CDC42BPA: variants seen among roughly 807,000 people sequenced by gnomAD.
CDC42BPA encodes the protein CDC42 binding protein kinase alpha, also known as serine/threonine-protein kinase MRCK alpha.
In CDC42BPA, 80 loss-of-function variants were observed where a neutral mutation model predicts 223.5. The observed-to-expected ratio is 0.36, with a 90% confidence interval of 0.30 to 0.43. The LOEUF is 0.43. CDC42BPA is among the 20% of genes least tolerant of loss of function. CDC42BPA has a pLI of 1.00. For synonymous variants in CDC42BPA, 694 were observed against 718.6 expected, an observed-to-expected ratio of 0.97 and a Z score of 0.55; for missense variants, 1,743 against 2,099.9, an observed-to-expected ratio of 0.83 and a Z score of 3.32.
intron 10 of CDC42BPA, among the ~76,000 whole-genome samples, chr1:227,133,009 G>A (rs954143407): frequency 1.3e-5 from 2 of 151,620 alleles, no homozygotes; most frequent in Non-Finnish European, 2.9e-5. Context: ...GAGCATCTCC[G>A]CCCGGCAGCC....
chr1:227,014,057 T>C (rs778164233), intron 34 of CDC42BPA, among the ~76,000 whole-genome samples: 8 of 152,086 alleles, frequency 5.3e-5, no homozygotes, highest in Non-Finnish European at 7.4e-5. Context: ...TGCTTTGGAC[T>C]CTATAGTTAT....
intron 14 of CDC42BPA, among the ~76,000 whole-genome samples, chr1:227,110,734 C>T (rs1448601044): frequency 1.3e-5 from 2 of 152,142 alleles, no homozygotes; most frequent in East Asian, 3.8e-4. Flanking sequence ...ACTAATCCTG[C>T]TCTAGAGGTA....
chr1:227,119,077 A>C (rs1257842990), intron 12 of CDC42BPA, among the ~76,000 whole-genome samples: 1 of 152,068 alleles, frequency 6.6e-6, no homozygotes, highest in Non-Finnish European at 1.5e-5. Flanking sequence ...CATTATATTA[A>C]TATATTACAT....
At chr1:227,216,120 C>CTA (rs67257803) in intron 2 of CDC42BPA, among the ~76,000 whole-genome samples, 69 of 136,662 alleles carry the variant, frequency 5.0e-4, no homozygotes, top group South Asian at 9.5e-4. Flanking sequence ...TTTTCTCTCT[C>CTA]TATATATATA....
rs1667603411 is a variant in CDC42BPA, at chr1:227,022,664, A to G, written c.4615+599T>C. Among the ~76,000 whole-genome samples, 3 of 152,310 alleles carry G rather than the reference A, an allele frequency of 2.0e-5. No homozygotes were observed. The Middle Eastern group carries it at 0.01, about 518-fold the overall frequency. ...GCAAACAACATTTAATTCTATGTGA[A>G]CAGTCTCCCTGGCATTTTATGTGTG... On this transcript the variant is annotated intron_variant, in intron 32 of 36. Transcript: ENST00000366766.
At chr1:227,023,212 G>T in intron 32 of CDC42BPA, 51 bp downstream of exon 32, 1 of 902,496 alleles carries the variant, frequency 1.1e-6, no homozygotes. Context: ...AGTTAGCTTA[G>T]AAATAATATT....
intron 21 of CDC42BPA, among the ~76,000 whole-genome samples, chr1:227,063,178 C>A (rs1676292932): frequency 6.6e-6 from 1 of 152,136 alleles, no homozygotes; most frequent in Non-Finnish European, 1.5e-5. Context: ...CACACACTTT[C>A]TCTCTCATAT....
At position 227,112,505 on chromosome 1, in the gene CDC42BPA, T is replaced by C. The variant is rs534531750; in HGVS notation, c.1891-83A>G. The stretch of plus-strand genomic sequence containing the variant: ...CATTTATCCCAATGAGAATTTACCT[T>C]GTAACAGGAAGATAATTCAAATGTT... On this transcript the variant is annotated intron_variant, in intron 13 of 36. Transcript: ENST00000366766. 15 of 1,083,682 alleles carry C rather than the reference T, an allele frequency of 1.4e-5. No individual in the cohort carries two copies. In the East Asian group the frequency reaches 2.1e-4, roughly 15 times the overall value. The allele number at this position is 1,083,682 out of a possible 1,614,324, so 67.1% of individuals were successfully genotyped here. A position where few individuals can be genotyped will look rare whatever the true frequency, so the allele number is the denominator to read the frequency against.
chr1:227,018,656 A>G (rs564730535), intron 32 of CDC42BPA, among the ~76,000 whole-genome samples: 4 of 152,324 alleles, frequency 2.6e-5, no homozygotes, highest in African/African-American at 9.6e-5. Context: ...AGTTCCTCTA[A>G]GAAACAGAAT....
Position 226,994,263 on chromosome 1 carries a change from GCA to G in CDC42BPA, c.*3_*4del. On this transcript the variant is annotated 3_prime_UTR_variant, in exon 37 of 37. Transcript: ENST00000366766. The surrounding 1 kb of genome is among the most constrained non-coding windows in gnomAD (Gnocchi z 4.0). ...GAGAGCGAGAGGTCCCAGTGCTGAG[GCA>G]GCTCACGGGTCCCAGCTCCCGCGGT... is the stretch of plus-strand genomic sequence containing the variant. The G allele has an allele frequency of 1.3e-6, 2 of 1,572,310 alleles. No homozygotes were observed. The highest frequency in any genetic ancestry group is 1.7e-6 in the Non-Finnish European group (2 of 1,156,888).
rs763233439 is a variant in CDC42BPA at position 227,081,011 on chromosome 1, T to C, written c.2362A>G (p.Thr788Ala). ...TGTATACTTAAGTTCTCATACAAAG[T>C]AGTAAGCTGAAAGATAGTTTTAAGA... ...KLTSELDKLT[T>A]LYENLSIHNQ... The change falls in exon 17 of 37, where the codon ACT becomes GCT. Residue 788 changes from threonine (T) to alanine (A), a missense_variant. Thr to Ala is a moderately conservative substitution (Grantham distance 58, BLOSUM62 0). Around this residue, in one of 6 missense-constraint regions of CDC42BPA, gnomAD observed 464 missense variants for 488.0 expected, o/e 0.95. Coordinates refer to ENST00000366766, the MANE Select transcript of CDC42BPA (RefSeq NM_001394014.1). 34 of 1,613,252 alleles carry C rather than the reference T, an allele frequency of 2.1e-5. No homozygotes were observed. The highest frequency in any genetic ancestry group is 2.9e-5 in the Non-Finnish European group (34 of 1,179,654).
intron 1 of CDC42BPA, among the ~76,000 whole-genome samples, chr1:227,268,297 T>C (rs971144002): frequency 6.6e-6 from 1 of 152,132 alleles, no homozygotes; most frequent in Non-Finnish European, 1.5e-5. Context: ...ACACAGACGG[T>C]GCAGCTCACA....
chr1:227,059,620 A>T (rs1280018210), intron 21 of CDC42BPA, among the ~76,000 whole-genome samples: 1 of 152,198 alleles, frequency 6.6e-6, no homozygotes, highest in Non-Finnish European at 1.5e-5. Context: ...AGGTTGACAA[A>T]CTTTTCACTG....
In CDC42BPA at chr1:227,171,473, T is replaced by C. The variant is rs147267991; in HGVS notation, c.600-10837A>G. ...AAAAACTACAAAAATTAGCCAAGAATAGTGGTCCACGCCTGCGCTAGTGGT... is the reference window on the plus strand; with the variant it reads ...AAAAACTACAAAAATTAGCCAAGAACAGTGGTCCACGCCTGCGCTAGTGGT... On this transcript the variant is annotated intron_variant, in intron 5 of 36. Transcript: ENST00000366766. Among the ~76,000 whole-genome samples, 161 of 152,224 alleles carry C rather than the reference T, an allele frequency of 1.1e-3. 2 individuals are homozygous for C. The highest frequency in any genetic ancestry group is 3.6e-3 in the African/African-American group (151 of 41,532).
intron 21 of CDC42BPA, among the ~76,000 whole-genome samples, chr1:227,064,077 A>T (rs1676483648): frequency 6.6e-6 from 1 of 152,190 alleles, no homozygotes; most frequent in South Asian, 2.1e-4. Context: ...AATGGAAAAC[A>T]ATATTAGGGG....
intron 2 of CDC42BPA, among the ~76,000 whole-genome samples, chr1:227,253,820 T>C (rs1682586000): frequency 6.6e-6 from 1 of 151,970 alleles, no homozygotes; most frequent in Non-Finnish European, 1.5e-5. Flanking sequence ...ATATTTACAT[T>C]GACATATGAA....
At chr1:227,005,223 T>C (rs1029745707) in intron 34 of CDC42BPA, 112 bp from the exon 35 acceptor site, 2 of 747,270 alleles carry the variant, frequency 2.7e-6, no homozygotes, top group African/African-American at 3.5e-5. Context: ...TTGACCAGAA[T>C]GACACAGAGT....
intron 6 of CDC42BPA, among the ~76,000 whole-genome samples, chr1:227,156,764 T>C (rs73086746): frequency 0.16 from 24,182 of 152,118 alleles, 2,358 homozygotes; most frequent in African/African-American, 0.26. Context: ...ACAGGGACTC[T>C]ATCTCCAACT....
chr1:227,063,882 T>C (rs922183817), intron 21 of CDC42BPA, among the ~76,000 whole-genome samples: 1 of 152,182 alleles, frequency 6.6e-6, no homozygotes, highest in Non-Finnish European at 1.5e-5. Context: ...TAACAGAATG[T>C]AAAAGAAGCT....
Sources: allele counts gnomAD v4.1 joint callset (sites outside exome capture counted in the v4.1 genomes callset), GRCh38; gene constraint gnomAD v4.1.1; regional missense constraint gnomAD v4.1.1; non-coding constraint Gnocchi (gnomAD v3.1); transcripts MANE v1.5; gene names NCBI Gene and HGNC (gene_info 2026-07-23, HGNC 2026-07-21).